The following COX10 variants were observed in gnomAD, a reference collection of about 807,000 sequenced individuals.
The protein encoded by COX10 is protoheme IX farnesyltransferase, mitochondrial.
Under a neutral mutation model 37.3 loss-of-function variants are expected in COX10, and 27 were observed. The ratio of observed to expected loss-of-function variants is 0.72; its 90% CI spans 0.53 to 1.00. The LOEUF is 1.00. Among genes scored for constraint, COX10 ranks in the 50% least tolerant of loss-of-function variants. The probability of loss-of-function intolerance (pLI) is 0.00; values close to 1 mark genes in which losing one functional copy is unlikely to be tolerated. For synonymous variants in COX10, 222 were observed against 229.1 expected (o/e 0.97, Z 0.28); for missense variants, 475 against 563.2 (o/e 0.84, Z 1.59).
At chr17:14,170,024 A>G (rs958935618) in intron 5 of COX10, among the ~76,000 whole-genome samples, 10 of 152,266 alleles carry the variant, frequency 6.6e-5, no homozygotes, top group African/African-American at 2.4e-4. Flanking sequence ...AGGTTTTCCC[A>G]TTTGTACATG....
intron 3 of COX10, among the ~76,000 whole-genome samples, chr17:14,100,728 A>G (rs756803991): frequency 3.2e-4 from 48 of 152,238 alleles, no homozygotes; most frequent in Admixed American, 8.5e-4. Flanking sequence ...AGAATTTTCA[A>G]TGTTCAAAGC....
rs140649939 is a variant in COX10 at position 14,092,809 on chromosome 17, C to T, written c.500-9309C>T. Among the ~76,000 whole-genome samples the T allele has an allele frequency of 2.9e-3, 444 of 152,042 alleles. 1 individual carries two copies. Among genetic ancestry groups the T allele is most frequent in the Non-Finnish European group, 4.2e-3 (284 of 67,918 alleles). On this transcript the variant is annotated intron_variant, in intron 3 of 6. Coordinates refer to ENST00000261643, the MANE Select transcript of COX10 (RefSeq NM_001303.4). ...AAAAAGTACACTCTCATTTAAAAAT[C>T]AAAAAAGACTTAACTCCTTCCTCTG... is the stretch of plus-strand genomic sequence containing the variant.
intron 5 of COX10, among the ~76,000 whole-genome samples, chr17:14,166,633 T>G (rs1597531619): frequency 1.1e-5 from 1 of 94,018 alleles, no homozygotes; most frequent in African/African-American, 3.4e-5. Context: ...TTTTTTTTTT[T>G]GAGACAGTCT....
chr17:14,162,193 A>T (rs1355557429), intron 5 of COX10, among the ~76,000 whole-genome samples: 1 of 152,258 alleles, frequency 6.6e-6, no homozygotes, highest in Non-Finnish European at 1.5e-5. Flanking sequence ...CAGACTTTCA[A>T]ATGGATAGCA....
At chr17:14,143,398 A>T (rs1387234038) in intron 4 of COX10, among the ~76,000 whole-genome samples, 2 of 152,148 alleles carry the variant, frequency 1.3e-5, no homozygotes, top group Non-Finnish European at 2.9e-5. Context: ...GTTACTTTAA[A>T]ATACATTTAT....
intron 4 of COX10, among the ~76,000 whole-genome samples, chr17:14,115,252 A>T (rs1208345445): frequency 1.3e-5 from 2 of 152,196 alleles, no homozygotes; most frequent in African/African-American, 2.4e-5. Flanking sequence ...ACAGAGGAAG[A>T]TGGTCCTATT....
intron 5 of COX10, among the ~76,000 whole-genome samples, chr17:14,171,620 G>A (rs1905470928): frequency 1.3e-5 from 2 of 151,618 alleles, no homozygotes; most frequent in Admixed American, 1.3e-4. Context: ...TAAGAAATAA[G>A]CCATTCTGCC....
At chr17:14,204,592 C>G (rs1906638686) in intron 6 of COX10, among the ~76,000 whole-genome samples, 1 of 152,068 alleles carries the variant, frequency 6.6e-6, no homozygotes, top group Non-Finnish European at 1.5e-5. Context: ...ATCCTTCATC[C>G]CCTCACTCCT....
rs752932936 is a variant in COX10, at chr17:14,077,109, A to G, written c.499+53A>G. Reference sequence around the variant, plus strand: ...TATTTGAAACTCTATCTTTAGTGAAACAAAAAGCTAATTTTATTTACCACC... The same window carrying G: ...TATTTGAAACTCTATCTTTAGTGAAGCAAAAAGCTAATTTTATTTACCACC... On this transcript the variant is annotated intron_variant, in intron 3 of 6. Transcript: ENST00000261643. The G allele has an allele frequency of 1.1e-5, 17 of 1,560,670 alleles. No individual in the cohort carries two copies. The African/African-American group carries it at 1.9e-4, about 18-fold the overall frequency.
chr17:14,198,222 G>C (rs1038839738), intron 6 of COX10, among the ~76,000 whole-genome samples: 2 of 152,088 alleles, frequency 1.3e-5, no homozygotes, highest in African/African-American at 2.4e-5. Flanking sequence ...GGAGGGAGGG[G>C]ACTGCAGATA....
chr17:14,167,826 G>A (rs987619698), intron 5 of COX10, among the ~76,000 whole-genome samples: 5 of 152,160 alleles, frequency 3.3e-5, no homozygotes, highest in African/African-American at 2.4e-5. Context: ...CTCGACATAT[G>A]AGAATTACAA....
chr17:14,150,075 C>G (rs544772245), intron 4 of COX10, among the ~76,000 whole-genome samples: 1 of 151,996 alleles, frequency 6.6e-6, no homozygotes, highest in African/African-American at 2.4e-5. Flanking sequence ...AGTTTGAGAC[C>G]AGCCTGGACA....
chr17:14,177,153 TCA>T, intron 5 of COX10: 1 of 651,856 alleles, frequency 1.5e-6, no homozygotes, highest in Non-Finnish European at 2.7e-6. Flanking sequence ...CAGGTGTCTC[TCA>T]CACTGCTGGG....
At chr17:14,202,972 G>A (rs1359277248) in intron 6 of COX10, among the ~76,000 whole-genome samples, 2 of 152,120 alleles carry the variant, frequency 1.3e-5, no homozygotes, top group African/African-American at 4.8e-5. Flanking sequence ...TGAGCACTCA[G>A]TCTCAAGTCA....
chr17:14,112,516 A>T (rs1432099850), intron 4 of COX10, among the ~76,000 whole-genome samples: 1 of 152,144 alleles, frequency 6.6e-6, no homozygotes, highest in Admixed American at 6.6e-5. Context: ...ATTGGTTCCT[A>T]CTCTGAAGTG....
chr17:14,173,698 C>T (rs940784191), intron 5 of COX10, among the ~76,000 whole-genome samples: 1 of 152,130 alleles, frequency 6.6e-6, no homozygotes, highest in African/African-American at 2.4e-5. Context: ...TGTTCTGGAG[C>T]TCCTGACTAG....
rs142051858 is a variant in COX10, at chr17:14,149,730, C to T, written c.625-10147C>T. Among the ~76,000 whole-genome samples the T allele has an allele frequency of 1.2e-3, 179 of 152,208 alleles. 2 individuals carry two copies. Among genetic ancestry groups the T allele is most frequent in the African/African-American group, 4.1e-3 (172 of 41,524 alleles). Reference sequence around the variant, plus strand: ...AGCCAATTTAAGAGATGGGAGGAGCCGGTGTCATGATGGCATCATTTGAAA... The same window carrying T: ...AGCCAATTTAAGAGATGGGAGGAGCTGGTGTCATGATGGCATCATTTGAAA... On this transcript the variant is annotated intron_variant, in intron 4 of 6. Coordinates refer to ENST00000261643, the MANE Select transcript of COX10 (RefSeq NM_001303.4).
chr17:14,099,165 C>T (rs566566873), intron 3 of COX10, among the ~76,000 whole-genome samples: 10 of 152,180 alleles, frequency 6.6e-5, no homozygotes, highest in Admixed American at 3.3e-4. Flanking sequence ...GCATGTCTCT[C>T]GTTTCTGGAG....
intron 3 of COX10, among the ~76,000 whole-genome samples, chr17:14,097,990 C>T (rs189846061): frequency 6.6e-6 from 1 of 152,204 alleles, no homozygotes; most frequent in African/African-American, 2.4e-5. Flanking sequence ...TCTGTACATA[C>T]TCATTATAGA....
Sources: allele counts gnomAD v4.1 joint callset (sites outside exome capture counted in the v4.1 genomes callset), GRCh38; gene constraint gnomAD v4.1.1; transcripts MANE v1.5; gene names NCBI Gene and HGNC (gene_info 2026-07-23, HGNC 2026-07-21).